Variants in SLC1A2 observed in about 807,000 individuals in gnomAD.
SLC1A2 encodes excitatory amino acid transporter 2.
In SLC1A2, 15 loss-of-function variants were observed where a neutral mutation model predicts 48.8. The ratio of observed to expected loss-of-function variants is 0.31; its 90% CI spans 0.21 to 0.47. The LOEUF (loss-of-function observed/expected upper bound fraction) is 0.47. Among genes scored for constraint, SLC1A2 ranks in the 20% least tolerant of loss-of-function variants. The pLI is 0.99. For synonymous variants in SLC1A2, 279 were observed against 272.6 expected, an observed-to-expected ratio of 1.02 and a Z score of -0.23; for missense variants, 502 against 730.5, an observed-to-expected ratio of 0.69 and a Z score of 3.61.
At chr11:35,415,614 A>C (rs1399119024) in intron 1 of SLC1A2, among the ~76,000 whole-genome samples, 1 of 152,218 alleles carries the variant, frequency 6.6e-6, no homozygotes, top group Non-Finnish European at 1.5e-5. Flanking sequence ...AAGCAAGAGG[A>C]CAATGGTTAT....
rs1052998752 is a variant in SLC1A2 at position 35,274,760 on chromosome 11, A to G, written c.1421+6107T>C. Among the ~76,000 whole-genome samples, 26 of 152,240 alleles carry G rather than the reference A, an allele frequency of 1.7e-4. 1 individual carries two copies. Among genetic ancestry groups the G allele is most frequent in the Non-Finnish European group, 1.0e-4 (7 of 68,044 alleles). ...TTCTCAACTGTAAAACAATGATAAT[A>G]CTATTAGTTGCTTCATAATCTGCTG... On this transcript the variant is annotated intron_variant, in intron 9 of 10. Coordinates refer to ENST00000278379, the MANE Select transcript of SLC1A2 (RefSeq NM_004171.4).
intron 1 of SLC1A2, among the ~76,000 whole-genome samples, chr11:35,351,828 GT>G (rs1158996789): frequency 6.6e-6 from 1 of 151,948 alleles, no homozygotes; most frequent in Non-Finnish European, 1.5e-5. Context: ...TAGAGACGGG[GT>G]TTCACCATAT....
At chr11:35,312,046 C>T in intron 4 of SLC1A2, 152 bp downstream of exon 4, 1 of 766,486 alleles carries the variant, frequency 1.3e-6, no homozygotes, top group Admixed American at 2.4e-5. Context: ...AGATCCTGCC[C>T]TAAACCACCT....
At chr11:35,264,839 A>T (rs1950453655) in intron 10 of SLC1A2, 1 of 152,114 alleles carries the variant, frequency 6.6e-6, no homozygotes, top group Admixed American at 6.5e-5. Context: ...CCAATATATG[A>T]TATATAGCAA....
In SLC1A2 at chr11:35,365,590, C is replaced by T. The variant is rs565847670; in HGVS notation, c.18-48074G>A. ...AACTCCTCTTCATCCTTTAAAACCCCGCTCTGCTGTCTCTGTCTCTGCAGA... is the reference window on the plus strand; with the variant it reads ...AACTCCTCTTCATCCTTTAAAACCCTGCTCTGCTGTCTCTGTCTCTGCAGA... On this transcript the variant is annotated intron_variant, in intron 1 of 10. Transcript: ENST00000278379. 6.9e-5 allele frequency among the ~76,000 whole-genome samples: 6 copies of T among 87,160 alleles called. No homozygotes were observed. The East Asian group carries it at 2.5e-3, about 36-fold the overall frequency. The allele number at this position is 87,160 out of a possible 152,430, so 57.2% of individuals were successfully genotyped here.
rs757319126 is a variant in SLC1A2 at position 35,333,665 on chromosome 11, T to C, written c.18-16149A>G. ...TTAATCATGTAAGTTTTTCTTTCTC[T>C]TTTTTTTTCCCCTTGAGACAGTGTC... On this transcript the variant is annotated intron_variant, in intron 1 of 10. Transcript: ENST00000278379. Among the ~76,000 whole-genome samples the C allele has an allele frequency of 1.3e-3, 173 of 134,914 alleles. 1 individual carries two copies. Among genetic ancestry groups the C allele is most frequent in the Non-Finnish European group, 1.1e-3 (71 of 63,376 alleles). The allele number at this position is 134,914 out of a possible 152,430, so 88.5% of individuals were successfully genotyped here.
intron 8 of SLC1A2, among the ~76,000 whole-genome samples, chr11:35,282,609 G>A (rs1850677512): frequency 6.6e-6 from 1 of 151,844 alleles, no homozygotes; most frequent in Non-Finnish European, 1.5e-5. Flanking sequence ...CCTGAAAGCT[G>A]GAAGATGGGA....
chr11:35,376,249 C>A (rs181572718), intron 1 of SLC1A2, among the ~76,000 whole-genome samples: 1 of 151,142 alleles, frequency 6.6e-6, no homozygotes, highest in African/African-American at 2.4e-5. Context: ...ATGGAAAGAC[C>A]GAGGAACTAT....
rs185445686 is a variant in SLC1A2, at chr11:35,273,883, T to C, written c.1421+6984A>G. ...TTGTTTAGTAAAACATCTGGTTAGA[T>C]ATTTTCGTGGTAAAAAGTCAGGATG... On this transcript the variant is annotated intron_variant, in intron 9 of 10. Transcript: ENST00000278379. 1.6e-4 allele frequency among the ~76,000 whole-genome samples: 24 copies of C among 152,324 alleles called. 1 individual carries two copies. The highest frequency in any genetic ancestry group is 3.4e-3 in the Middle Eastern group (1 of 294).
Position 35,418,950 on chromosome 11 carries a change from C to T in SLC1A2, c.17G>A (p.Gly6Asp), listed in dbSNP as rs1227601469. Residue 6 changes from glycine (G) to aspartate (D), a missense_variant and splice_region_variant, in exon 1 of 11, where the codon GGT (glycine) becomes GAT (aspartate). Physicochemically the swap from Gly to Asp is moderately conservative, Grantham distance 94 (BLOSUM62 -1). Transcript: ENST00000278379. Reference sequence around the variant, plus strand: ...CGGGTACAGATAAAAATCCCCTCACCCTTCCGTAGATGCCATGGTCTGGGG... The same window carrying T: ...CGGGTACAGATAAAAATCCCCTCACTCTTCCGTAGATGCCATGGTCTGGGG... MASTEGANNMPKQVEV... is the reference protein window; with the variant it reads MASTEDANNMPKQVEV... The T allele has an allele frequency of 1.3e-6, 2 of 1,565,730 alleles. No individual in the cohort carries two copies. Among genetic ancestry groups the T allele is most frequent in the Non-Finnish European group, 1.7e-6 (2 of 1,153,672 alleles).
At chr11:35,342,275 C>T (rs978489244) in intron 1 of SLC1A2, among the ~76,000 whole-genome samples, 11 of 152,100 alleles carry the variant, frequency 7.2e-5, no homozygotes, top group African/African-American at 2.7e-4. Context: ...TTTGTTTTAA[C>T]AAGAAAAATA....
chr11:35,322,398 A>G (rs1023300313), intron 1 of SLC1A2, among the ~76,000 whole-genome samples: 4 of 152,240 alleles, frequency 2.6e-5, no homozygotes, highest in Non-Finnish European at 5.9e-5. Flanking sequence ...TGTTGGATTC[A>G]GATTTCCTGC....
At chr11:35,346,363 C>G (rs979745933) in intron 1 of SLC1A2, among the ~76,000 whole-genome samples, 2 of 152,170 alleles carry the variant, frequency 1.3e-5, no homozygotes, top group Non-Finnish European at 2.9e-5. Flanking sequence ...GCTCTGCAAC[C>G]CTTTATGAGC....
At chr11:35,282,185 AC>A (rs570911973) in intron 8 of SLC1A2, among the ~76,000 whole-genome samples, 2 of 151,272 alleles carry the variant, frequency 1.3e-5, no homozygotes, top group Admixed American at 1.3e-4. Flanking sequence ...TGATCTACAG[AC>A]CCCCCAACCA....
At chr11:35,407,483 C>T (rs1385729332) in intron 1 of SLC1A2, among the ~76,000 whole-genome samples, 1 of 152,224 alleles carries the variant, frequency 6.6e-6, no homozygotes, top group Non-Finnish European at 1.5e-5. Flanking sequence ...AACAACCCAA[C>T]ATATAATCCT....
intron 1 of SLC1A2, among the ~76,000 whole-genome samples, chr11:35,318,789 C>T (rs140248519): frequency 3.9e-5 from 6 of 152,302 alleles, no homozygotes; most frequent in East Asian, 3.9e-4. Flanking sequence ...AGACATATAA[C>T]ACCCATCAAC....
chr11:35,259,696 T>C lies in SLC1A2; in HGVS notation c.*1198A>G, dbSNP rs1014059686. 5 of 152,252 alleles carry C rather than the reference T, an allele frequency of 3.3e-5. No individual in the cohort carries two copies. The highest frequency in any genetic ancestry group is 2.0e-4 in the Admixed American group (3 of 15,292). 9.4% of individuals were successfully genotyped at this position (152,252 alleles called of 1,614,324 possible). A position where few individuals can be genotyped will look rare whatever the true frequency, so the allele number is the denominator to read the frequency against. Reference sequence around the variant, plus strand: ...TATAGGGTTTTGCACAGATGTTTGTTTTCTGTTCCTTTCTACTGAGAAGAC... The same window carrying C: ...TATAGGGTTTTGCACAGATGTTTGTCTTCTGTTCCTTTCTACTGAGAAGAC... On this transcript the variant is annotated 3_prime_UTR_variant, in exon 11 of 11. Transcript: ENST00000278379.
chr11:35,336,154 T>C (rs1160589322), intron 1 of SLC1A2, among the ~76,000 whole-genome samples: 3 of 79,224 alleles, frequency 3.8e-5, no homozygotes, highest in Admixed American at 3.5e-4. Context: ...CAACACACAC[T>C]GGGCCTCTCA....
intron 1 of SLC1A2, among the ~76,000 whole-genome samples, chr11:35,407,680 A>C (rs1208134599): frequency 1.3e-5 from 2 of 152,224 alleles, no homozygotes; most frequent in African/African-American, 4.8e-5. Context: ...TAATCCAATG[A>C]GTACTTTTCA....
Sources: allele counts gnomAD v4.1 joint callset (sites outside exome capture counted in the v4.1 genomes callset), GRCh38; gene constraint gnomAD v4.1.1; transcripts MANE v1.5; gene names NCBI Gene and HGNC (gene_info 2026-07-23, HGNC 2026-07-21).